The following EMCN variants were observed in gnomAD, a reference collection of about 807,000 sequenced individuals.
The protein encoded by EMCN is MUC-14.
In EMCN, 37 loss-of-function variants were observed where a neutral mutation model predicts 38.4. The ratio of observed to expected loss-of-function variants is 0.96; its 90% CI spans 0.74 to 1.27. The LOEUF is 1.27. Ranked by LOEUF, EMCN falls within the 50% of genes most tolerant of loss-of-function variation. EMCN has a pLI of 0.00. For synonymous variants in EMCN, 95 were observed against 100.8 expected (o/e 0.94, Z 0.35); for missense variants, 318 against 302.8 (o/e 1.05, Z -0.37).
intron 8 of EMCN, among the ~76,000 whole-genome samples, chr4:100,418,913 G>T (rs72919541): frequency 0.014 from 2,165 of 152,096 alleles, 59 homozygotes; most frequent in African/African-American, 0.05. Flanking sequence ...CCCAGCAGCG[G>T]GATTGCTGGA....
Position 100,432,144 on chromosome 4 carries a change from T to G in EMCN, c.416-8740A>C, listed in dbSNP as rs561589586. ...GGAATAAACAGCCCTTCATCACTTT[T>G]CAGAGGGTCTTTTAATCTCCTCATT... On this transcript the variant is annotated intron_variant, in intron 5 of 11. Transcript: ENST00000296420. 9.7e-4 allele frequency among the ~76,000 whole-genome samples: 147 copies of G among 152,282 alleles called. 4 individuals carry two copies. In the South Asian group the frequency reaches 0.029, roughly 30 times the overall value.
At chr4:100,503,420 A>G (rs114886819) in intron 1 of EMCN, among the ~76,000 whole-genome samples, 217 of 152,154 alleles carry the variant, frequency 1.4e-3, no homozygotes, top group African/African-American at 5.1e-3. Flanking sequence ...TTGCAGTAGT[A>G]TTTCCTTTTT....
At chr4:100,467,406 C>T (rs998978400) in intron 3 of EMCN, among the ~76,000 whole-genome samples, 2 of 151,960 alleles carry the variant, frequency 1.3e-5, no homozygotes, top group Non-Finnish European at 2.9e-5. Flanking sequence ...CGGCCGGGCG[C>T]GGTGGCTCAC....
rs1351774409 is a variant in EMCN, at chr4:100,495,444, A to T, written c.65-15405T>A. ...CTTCAATGCAGCCTCAATATACTTAAATCTGAGATATCACCTGTATTAAGT... is the reference window on the plus strand; with the variant it reads ...CTTCAATGCAGCCTCAATATACTTATATCTGAGATATCACCTGTATTAAGT... On this transcript the variant is annotated intron_variant, in intron 1 of 11. Coordinates refer to ENST00000296420, the MANE Select transcript of EMCN (RefSeq NM_016242.4). Among the ~76,000 whole-genome samples, 4 of 152,076 alleles carry T rather than the reference A, an allele frequency of 2.6e-5. No homozygotes were observed. The East Asian group carries it at 5.8e-4, about 22-fold the overall frequency.
chr4:100,407,709 G>A (rs1726433838), intron 11 of EMCN, among the ~76,000 whole-genome samples: 1 of 152,048 alleles, frequency 6.6e-6, no homozygotes, highest in South Asian at 2.1e-4. Flanking sequence ...TCTTGGGGAT[G>A]GTTGTATTAT....
At chr4:100,492,059 G>T (rs1729095802) in intron 1 of EMCN, among the ~76,000 whole-genome samples, 1 of 152,140 alleles carries the variant, frequency 6.6e-6, no homozygotes. Context: ...CCTAAAGGGA[G>T]ATCTAAGAAA....
intron 1 of EMCN, among the ~76,000 whole-genome samples, chr4:100,486,340 T>C (rs1351538539): frequency 3.3e-5 from 5 of 152,276 alleles, no homozygotes; most frequent in East Asian, 1.9e-4. Flanking sequence ...AAAAGGGACA[T>C]TGACAATGTT....
intron 1 of EMCN, among the ~76,000 whole-genome samples, chr4:100,500,354 C>T (rs1469678968): frequency 1.3e-5 from 2 of 151,974 alleles, no homozygotes; most frequent in Non-Finnish European, 2.9e-5. Flanking sequence ...TTTGTGACAA[C>T]TATAAAAGCT....
intron 1 of EMCN, 61 bp downstream of exon 1, chr4:100,517,790 G>A: frequency 6.7e-7 from 1 of 1,500,926 alleles, no homozygotes; most frequent in Non-Finnish European, 9.3e-7. Context: ...GTAAACTGAG[G>A]CTGAGTCACC....
chr4:100,402,051 G>C, intron 11 of EMCN, among the ~76,000 whole-genome samples: 1 of 151,968 alleles, frequency 6.6e-6, no homozygotes, highest in African/African-American at 2.4e-5. Context: ...ATTATATAAT[G>C]TCACTGTGCA....
intron 8 of EMCN, among the ~76,000 whole-genome samples, chr4:100,417,748 T>C (rs1726776108): frequency 6.6e-6 from 1 of 152,130 alleles, no homozygotes; most frequent in Non-Finnish European, 1.5e-5. Context: ...CACCTGGGGT[T>C]TAGAGTGAGA....
At chr4:100,475,996 G>A (rs889454762) in intron 2 of EMCN, among the ~76,000 whole-genome samples, 2 of 151,904 alleles carry the variant, frequency 1.3e-5, no homozygotes, top group Non-Finnish European at 2.9e-5. Context: ...TTTAATCTTA[G>A]TATCAAGAAT....
chr4:100,490,750 G>A (rs11097722), intron 1 of EMCN, among the ~76,000 whole-genome samples: 2 of 151,924 alleles, frequency 1.3e-5, no homozygotes, highest in African/African-American at 2.4e-5. Context: ...AAGACGTTTC[G>A]TAGAATGTAT....
Position 100,470,378 on chromosome 4 carries a change from T to TAAA in EMCN, c.259+4657_259+4659dup, listed in dbSNP as rs34533710. Among the ~76,000 whole-genome samples, 679 of 145,576 alleles carry TAAA rather than the reference T, an allele frequency of 4.7e-3. 5 individuals carry two copies. The highest frequency in any genetic ancestry group is 0.01 in the African/African-American group (407 of 39,780). On this transcript the variant is annotated intron_variant, in intron 3 of 11. Coordinates refer to ENST00000296420, the MANE Select transcript of EMCN (RefSeq NM_016242.4). ...GTTAGAATGGCTATTACTAAAATGTTAAAAAAAAAAACAGGTGCCAGTGAG... is the reference window on the plus strand; with the variant it reads ...GTTAGAATGGCTATTACTAAAATGTTAAAAAAAAAAAAAACAGGTGCCAGTGAG...
chr4:100,465,593 A>G (rs1728294844), intron 3 of EMCN, 54 bp from the exon 4 acceptor site: 2 of 887,424 alleles, frequency 2.3e-6, no homozygotes, highest in East Asian at 5.3e-5. Context: ...AGATCATCTT[A>G]TTAATATTCA....
intron 5 of EMCN, among the ~76,000 whole-genome samples, chr4:100,446,448 G>A (rs1352672516): frequency 6.6e-6 from 1 of 152,104 alleles, no homozygotes; most frequent in East Asian, 1.9e-4. Flanking sequence ...GTTAGACTAA[G>A]GTGATTACTT....
chr4:100,399,446 G>A (rs1047272701), intron 11 of EMCN, among the ~76,000 whole-genome samples: 18 of 152,214 alleles, frequency 1.2e-4, no homozygotes, highest in Admixed American at 7.2e-4. Context: ...AGGGATGGCC[G>A]AACTGTTGCT....
At chr4:100,494,871 A>T (rs935939531) in intron 1 of EMCN, among the ~76,000 whole-genome samples, 4 of 152,078 alleles carry the variant, frequency 2.6e-5, no homozygotes, top group African/African-American at 9.7e-5. Flanking sequence ...TTTTAAGAAC[A>T]AAAATATCTA....
intron 5 of EMCN, chr4:100,446,077 CT>C: frequency 6.1e-6 from 6 of 985,290 alleles, no homozygotes; most frequent in Non-Finnish European, 7.2e-6. Flanking sequence ...TTAAAGAGAA[CT>C]GACAATTTGG....
Sources: gnomAD v4.1 joint callset for allele counts (sites outside exome capture counted in the v4.1 genomes callset) on GRCh38, gnomAD v4.1.1 for gene constraint, MANE v1.5 for transcripts, NCBI Gene and HGNC (gene_info 2026-07-23, HGNC 2026-07-21) for gene names.